Variants in EXOC4 observed in about 807,000 individuals in gnomAD.
The protein encoded by EXOC4 is SEC8-like 1.
Under a neutral mutation model 107.2 loss-of-function variants are expected in EXOC4, and 71 were observed. The observed-to-expected ratio is 0.66, with a 90% CI of 0.55 to 0.81. The LOEUF is 0.81. Among genes scored for constraint, EXOC4 ranks in the 30% least tolerant of loss-of-function variants. The pLI, the probability that EXOC4 is intolerant of heterozygous loss-of-function variation, is 0.00. For missense variants in EXOC4, 1,108 were observed against 1,189.6 expected (o/e 0.93, Z 1.01); for synonymous variants, 456 against 441.2 (o/e 1.03, Z -0.42).
chr7:133,954,278 A>C (rs1257713203), intron 14 of EXOC4, among the ~76,000 whole-genome samples: 2 of 152,234 alleles, frequency 1.3e-5, no homozygotes, highest in Non-Finnish European at 2.9e-5. Flanking sequence ...GGAAACTGGC[A>C]AAAGAACTTG....
At chr7:133,632,883 T>C (rs1802623246) in intron 10 of EXOC4, among the ~76,000 whole-genome samples, 1 of 152,064 alleles carries the variant, frequency 6.6e-6, no homozygotes, top group South Asian at 2.1e-4. Flanking sequence ...GAGTATGAGT[T>C]AGCATTCTGT....
chr7:133,417,544 T>C (rs1797507027), intron 7 of EXOC4, among the ~76,000 whole-genome samples: 1 of 152,184 alleles, frequency 6.6e-6, no homozygotes, highest in Non-Finnish European at 1.5e-5. Flanking sequence ...AGAATACATG[T>C]AGTGACTATA....
intron 17 of EXOC4, among the ~76,000 whole-genome samples, chr7:134,013,353 C>T (rs1563091475): frequency 1.3e-5 from 2 of 152,070 alleles, no homozygotes; most frequent in Non-Finnish European, 2.9e-5. Flanking sequence ...CTGTGAAATA[C>T]CTGATCAGTA....
chr7:133,446,352 C>T (rs1474325399), intron 7 of EXOC4, among the ~76,000 whole-genome samples: 1 of 152,214 alleles, frequency 6.6e-6, no homozygotes, highest in East Asian at 1.9e-4. Flanking sequence ...ATTTTTCGCC[C>T]TACTCTGTGC....
the EXOC4 span, among the ~76,000 whole-genome samples, chr7:134,084,727 A>AAAAAAAAT: frequency 1.4e-5 from 2 of 145,178 alleles, no homozygotes; most frequent in African/African-American, 5.3e-5. Context: ...AAAAAAAAAA[A>AAAAAAAAT]AAATTCACCA....
chr7:133,529,864 TAGGC>T (rs1800148810), intron 9 of EXOC4, among the ~76,000 whole-genome samples: 1 of 152,130 alleles, frequency 6.6e-6, no homozygotes, highest in Non-Finnish European at 1.5e-5. Flanking sequence ...ACAAATGAAA[TAGGC>T]AGGGATGTTC....
chr7:133,329,775 C>T (rs950361593), intron 5 of EXOC4, among the ~76,000 whole-genome samples: 5 of 152,214 alleles, frequency 3.3e-5, no homozygotes, highest in African/African-American at 9.6e-5. Context: ...GCAAAGATTG[C>T]TGCCTGTTCC....
At chr7:133,360,277 G>C (rs896442167) in intron 6 of EXOC4, among the ~76,000 whole-genome samples, 9 of 152,216 alleles carry the variant, frequency 5.9e-5, no homozygotes, top group Admixed American at 2.0e-4. Flanking sequence ...GCATAAGGAA[G>C]AGATGGAAGA....
At chr7:134,017,377 G>A (rs1794934532) in intron 17 of EXOC4, among the ~76,000 whole-genome samples, 1 of 152,084 alleles carries the variant, frequency 6.6e-6, no homozygotes, top group Non-Finnish European at 1.5e-5. Context: ...AGTAAATTGG[G>A]AAATGCGATG....
chr7:133,737,041 A>G (rs1795459164), intron 10 of EXOC4, among the ~76,000 whole-genome samples: 1 of 152,170 alleles, frequency 6.6e-6, no homozygotes, highest in Non-Finnish European at 1.5e-5. Context: ...TATTATCTAA[A>G]ACCTATAGAT....
chr7:133,302,940 C>T (rs1794672265), intron 3 of EXOC4, among the ~76,000 whole-genome samples: 1 of 152,106 alleles, frequency 6.6e-6, no homozygotes. Flanking sequence ...ATCTTTTTAT[C>T]ATTAATTATG....
At chr7:133,511,901 T>C (rs925828575) in intron 9 of EXOC4, among the ~76,000 whole-genome samples, 4 of 152,032 alleles carry the variant, frequency 2.6e-5, no homozygotes, top group African/African-American at 9.7e-5. Context: ...GTTAGTCCTG[T>C]GTGAAATGCT....
chr7:133,582,754 C>G (rs896202350), intron 9 of EXOC4, among the ~76,000 whole-genome samples: 3 of 151,842 alleles, frequency 2.0e-5, no homozygotes, highest in Non-Finnish European at 4.4e-5. Context: ...AAATGGCAAC[C>G]GAAACAAATC....
At chr7:133,952,664 G>A (rs918053322) in intron 14 of EXOC4, among the ~76,000 whole-genome samples, 1 of 151,928 alleles carries the variant, frequency 6.6e-6, no homozygotes, top group African/African-American at 2.4e-5. Context: ...CTTCCCTCCA[G>A]CCCTTGGCAA....
intron 9 of EXOC4, among the ~76,000 whole-genome samples, chr7:133,569,320 A>G (rs538011001): frequency 6.6e-6 from 1 of 152,304 alleles, no homozygotes; most frequent in South Asian, 2.1e-4. Flanking sequence ...TCAGTCCTGT[A>G]GAGGACTTTA....
rs1563015082 is a variant in EXOC4, at chr7:133,823,894, T to TATATATATA, written c.1734+6350_1734+6351insATATATATA. ...ATATTATATATATATATATATATAT[T>TATATATATA]TTATATATATATATATAAATATATA... On this transcript the variant is annotated intron_variant, in intron 11 of 17. Coordinates refer to ENST00000253861, the MANE Select transcript of EXOC4 (RefSeq NM_021807.4). Among the ~76,000 whole-genome samples, 40 of 17,668 alleles carry TATATATATA rather than the reference T, an allele frequency of 2.3e-3. 2 individuals are homozygous for TATATATATA. In the African/African-American group the frequency reaches 0.028, roughly 12 times the overall value. 11.6% of individuals were successfully genotyped at this position (17,668 alleles called of 152,430 possible). A position where few individuals can be genotyped will look rare whatever the true frequency, so the allele number is the denominator to read the frequency against.
At chr7:133,498,827 T>C (rs969158242) in intron 9 of EXOC4, among the ~76,000 whole-genome samples, 1 of 152,236 alleles carries the variant, frequency 6.6e-6, no homozygotes, top group Admixed American at 6.5e-5. Context: ...AGCAGCTTCT[T>C]GGCCTCTTTT....
chr7:133,774,176 T>C (rs1796300203), intron 10 of EXOC4, among the ~76,000 whole-genome samples: 1 of 152,132 alleles, frequency 6.6e-6, no homozygotes, highest in Non-Finnish European at 1.5e-5. Context: ...TACAGGATTG[T>C]AGGCCATTAA....
At chr7:133,720,430 C>T (rs1027809261) in intron 10 of EXOC4, among the ~76,000 whole-genome samples, 9 of 152,132 alleles carry the variant, frequency 5.9e-5, no homozygotes, top group African/African-American at 9.7e-5. Flanking sequence ...GCATAACCAC[C>T]GGTAAGGAAA....
Sources: gnomAD v4.1 joint callset for allele counts (sites outside exome capture counted in the v4.1 genomes callset) on GRCh38, gnomAD v4.1.1 for gene constraint, MANE v1.5 for transcripts, NCBI Gene and HGNC (gene_info 2026-07-23, HGNC 2026-07-21) for gene names.